Variants in RSPO3 observed in about 807,000 individuals in gnomAD.
The protein encoded by RSPO3 is R-spondin 3.
RSPO3 carries 17 observed loss-of-function variants against 36.5 expected under a neutral mutation model. The observed-to-expected ratio is 0.47, with a 90% CI of 0.32 to 0.70. The LOEUF (loss-of-function observed/expected upper bound fraction) is 0.70, where lower values mean the gene tolerates loss of function less well. RSPO3 is among the 30% of genes least tolerant of loss of function. RSPO3 has a pLI of 0.04. For synonymous variants in RSPO3, 108 were observed against 107.0 expected (o/e 1.01, Z -0.06); for missense variants, 294 against 322.5 (o/e 0.91, Z 0.68).
At chr6:127,144,669 C>T (rs1774347657) in intron 1 of RSPO3, among the ~76,000 whole-genome samples, 1 of 33,742 alleles carries the variant, frequency 3.0e-5, no homozygotes, top group African/African-American at 1.3e-4. Flanking sequence ...GACAGAGTCT[C>T]ACTCTGTCAC....
At chr6:127,119,426 T>C (rs537219508) in intron 1 of RSPO3, 137 bp downstream of exon 1, 19 of 665,910 alleles carry the variant, frequency 2.9e-5, no homozygotes, top group African/African-American at 2.3e-4. Context: ...AGGTTCGGGC[T>C]TTGGGGGTAT....
intron 4 of RSPO3, among the ~76,000 whole-genome samples, chr6:127,191,616 G>A (rs1026992566): frequency 1.3e-5 from 2 of 152,070 alleles, no homozygotes; most frequent in East Asian, 1.9e-4. Context: ...TGGCTTTTTG[G>A]TCTACATGGA....
chr6:127,142,067 T>C (rs1329724651), intron 1 of RSPO3, among the ~76,000 whole-genome samples: 1 of 152,138 alleles, frequency 6.6e-6, no homozygotes, highest in Admixed American at 6.6e-5. Flanking sequence ...CTGTATATAT[T>C]TGGACATATA....
intron 4 of RSPO3, among the ~76,000 whole-genome samples, chr6:127,161,690 T>C (rs932284020): frequency 1.9e-4 from 29 of 152,170 alleles, no homozygotes; most frequent in Non-Finnish European, 3.7e-4. Context: ...ATAAACTTTG[T>C]AATAAATGAC....
At chr6:127,137,249 G>A (rs146099442) in intron 1 of RSPO3, among the ~76,000 whole-genome samples, 2 of 152,220 alleles carry the variant, frequency 1.3e-5, no homozygotes, top group East Asian at 3.9e-4. Context: ...AAATTAGTCA[G>A]CCATGTTGGT....
At chr6:127,141,095 G>A (rs1420101705) in intron 1 of RSPO3, among the ~76,000 whole-genome samples, 1 of 152,172 alleles carries the variant, frequency 6.6e-6, no homozygotes, top group Non-Finnish European at 1.5e-5. Context: ...CATGTCTTCA[G>A]GAACTGGATG....
At chr6:127,138,778 T>A (rs1229573653) in intron 1 of RSPO3, among the ~76,000 whole-genome samples, 1 of 152,224 alleles carries the variant, frequency 6.6e-6, no homozygotes, top group African/African-American at 2.4e-5. Context: ...TATTCATCTT[T>A]GTATGCTCAC....
chr6:127,176,277 C>T (rs1344367909), intron 4 of RSPO3, among the ~76,000 whole-genome samples: 1 of 151,704 alleles, frequency 6.6e-6, no homozygotes, highest in Non-Finnish European at 1.5e-5. Context: ...GTCCAGATTG[C>T]ATTGACTAAG....
chr6:127,133,736 A>G lies in RSPO3; in HGVS notation c.97+14447A>G, dbSNP rs1774100577. Among the ~76,000 whole-genome samples, 3 of 152,150 alleles carry G rather than the reference A, an allele frequency of 2.0e-5. 1 individual carries two copies. In the South Asian group the frequency reaches 6.2e-4, roughly 32 times the overall value. ...AAAAAGCTAACAAGGCAAAAAAGGA[A>G]TCTTGTTAGGGGAAAAATATGGAAA... On this transcript the variant is annotated intron_variant, in intron 1 of 4. Coordinates refer to ENST00000356698, the MANE Select transcript of RSPO3 (RefSeq NM_032784.5).
At chr6:127,123,125 A>G (rs1259975859) in intron 1 of RSPO3, among the ~76,000 whole-genome samples, 1 of 152,204 alleles carries the variant, frequency 6.6e-6, no homozygotes, top group East Asian at 1.9e-4. Context: ...ATTGGAATGT[A>G]CTGGTCATTG....
At chr6:127,185,002 T>G (rs1775265135) in intron 4 of RSPO3, among the ~76,000 whole-genome samples, 2 of 151,938 alleles carry the variant, frequency 1.3e-5, no homozygotes, top group Admixed American at 6.6e-5. Context: ...CCTACCCTCA[T>G]CAATAATGAT....
intron 4 of RSPO3, among the ~76,000 whole-genome samples, chr6:127,164,336 A>T (rs1774770800): frequency 6.6e-6 from 1 of 152,048 alleles, no homozygotes; most frequent in South Asian, 2.1e-4. Flanking sequence ...TCTCCCCACC[A>T]AACAAGAAAC....
At chr6:127,150,368 T>C in intron 2 of RSPO3, 58 bp from the exon 3 acceptor site, 1 of 1,525,208 alleles carries the variant, frequency 6.6e-7, no homozygotes, top group South Asian at 1.2e-5. Context: ...CATGTAGAAC[T>C]GGACCAATAG....
At chr6:127,195,780 C>G in intron 4 of RSPO3, 43 bp from the exon 5 acceptor site, 1 of 1,293,808 alleles carries the variant, frequency 7.7e-7, no homozygotes, top group Non-Finnish European at 1.0e-6. Flanking sequence ...AAAAATAGAA[C>G]ATAATTGAAT....
intron 4 of RSPO3, among the ~76,000 whole-genome samples, chr6:127,193,709 G>C (rs1775459216): frequency 6.6e-6 from 1 of 152,094 alleles, no homozygotes; most frequent in South Asian, 2.1e-4. Context: ...TATTCAGAAA[G>C]GGAAACTTAC....
chr6:127,180,434 C>T (rs1257617818), intron 4 of RSPO3, among the ~76,000 whole-genome samples: 1 of 137,578 alleles, frequency 7.3e-6, no homozygotes, highest in East Asian at 2.2e-4. Flanking sequence ...GACCAGCCCT[C>T]TGCACTATAA....
chr6:127,137,390 C>CAATA (rs977570564), intron 1 of RSPO3, among the ~76,000 whole-genome samples: 6 of 152,102 alleles, frequency 3.9e-5, no homozygotes, highest in South Asian at 4.1e-4. Flanking sequence ...GACTCCATCT[C>CAATA]AATAAATAAA....
intron 4 of RSPO3, among the ~76,000 whole-genome samples, chr6:127,190,855 G>A (rs983753199): frequency 6.6e-6 from 1 of 152,178 alleles, no homozygotes; most frequent in Non-Finnish European, 1.5e-5. Flanking sequence ...CAAGAAAATA[G>A]CTGCTATTCA....
At chr6:127,134,111 C>T (rs956292367) in intron 1 of RSPO3, among the ~76,000 whole-genome samples, 1 of 152,088 alleles carries the variant, frequency 6.6e-6, no homozygotes, top group African/African-American at 2.4e-5. Context: ...AACAAGACCA[C>T]ATATGGGGAT....
Sources: gnomAD v4.1 joint callset for allele counts (sites outside exome capture counted in the v4.1 genomes callset) on GRCh38, gnomAD v4.1.1 for gene constraint, MANE v1.5 for transcripts, NCBI Gene and HGNC (gene_info 2026-07-23, HGNC 2026-07-21) for gene names.